The following STXBP5L variants were observed in gnomAD, a reference collection of about 807,000 sequenced individuals.
STXBP5L encodes the protein syntaxin binding protein 5L.
In STXBP5L, 65 loss-of-function variants were observed where a neutral mutation model predicts 144.5. The observed-to-expected ratio is 0.45, with a 90% CI of 0.37 to 0.55. The LOEUF is 0.55. Ranked by LOEUF, STXBP5L falls within the 20% of genes least tolerant of loss-of-function variation. STXBP5L has a pLI of 0.00. For missense variants in STXBP5L, 1,298 were observed against 1,405.5 expected (o/e 0.92, Z 1.22); for synonymous variants, 505 against 469.6 (o/e 1.08, Z -0.97).
intron 5 of STXBP5L, among the ~76,000 whole-genome samples, chr3:121,053,596 A>T (rs1948204770): frequency 6.6e-6 from 1 of 152,240 alleles, no homozygotes; most frequent in African/African-American, 2.4e-5. Flanking sequence ...TTCAAGATGG[A>T]TTAAAGACTT....
At chr3:121,143,901 G>C (rs1041838855) in intron 7 of STXBP5L, among the ~76,000 whole-genome samples, 2 of 151,692 alleles carry the variant, frequency 1.3e-5, no homozygotes, top group African/African-American at 4.8e-5. Context: ...TAGAAGAAAA[G>C]CTTCATGACG....
At chr3:121,315,559 A>G (rs532767896) in intron 19 of STXBP5L, among the ~76,000 whole-genome samples, 3 of 151,996 alleles carry the variant, frequency 2.0e-5, no homozygotes, top group Non-Finnish European at 4.4e-5. Context: ...GGTGCAGCAT[A>G]CCAGCATGGC....
Position 121,211,476 on chromosome 3 carries a change from T to C in STXBP5L, c.956+5475T>C, listed in dbSNP as rs530283829. ...CCTCCAACACTATGTTGAATAGGAG[T>C]GGTGAGAGAGGGCATCCCTGTCTTG... is the stretch of plus-strand genomic sequence containing the variant. On this transcript the variant is annotated intron_variant, in intron 10 of 26. Coordinates refer to ENST00000471454, the MANE Select transcript of STXBP5L (RefSeq NM_001308330.2). Among the ~76,000 whole-genome samples, 5 of 151,954 alleles carry C rather than the reference T, an allele frequency of 3.3e-5. No individual in the cohort carries two copies. The East Asian group carries it at 9.7e-4, about 29-fold the overall frequency.
rs200925621 is a variant in STXBP5L at position 121,205,928 on chromosome 3, A to G, written c.883A>G (p.Ser295Gly). The change falls in exon 10 of 27, where the codon AGT becomes GGT. Residue 295 changes from serine to glycine, a missense_variant. Coordinates refer to ENST00000471454, the MANE Select transcript of STXBP5L (RefSeq NM_001308330.2). ...PFQTTIPHGK[S>G]QREGRKSESC... ...TAAATATTTTTTTTCTTTAGGAAAA[A>G]GTCAAAGAGAAGGAAGAAAATCTGA... 6 of 1,488,230 alleles carry G rather than the reference A, an allele frequency of 4.0e-6. No individual in the cohort carries two copies. The highest frequency in any genetic ancestry group is 5.0e-5 in the East Asian group (2 of 39,978). 92.2% of individuals were successfully genotyped at this position (1,488,230 alleles called of 1,614,324 possible).
intron 20 of STXBP5L, among the ~76,000 whole-genome samples, chr3:121,369,395 A>T: frequency 1.4e-5 from 2 of 144,252 alleles, no homozygotes; most frequent in Non-Finnish European, 3.1e-5. Context: ...TTTTTCAGGT[A>T]TTGTTTTCCT....
chr3:121,042,623 A>G (rs1484709088), intron 4 of STXBP5L, among the ~76,000 whole-genome samples: 2 of 152,144 alleles, frequency 1.3e-5, no homozygotes, highest in Non-Finnish European at 2.9e-5. Flanking sequence ...GCATATATCT[A>G]TATCTGTTTA....
In STXBP5L at chr3:121,162,071, G is replaced by A. The variant is rs925807318; in HGVS notation, c.877+4444G>A. On this transcript the variant is annotated intron_variant, in intron 9 of 26. Transcript: ENST00000471454. ...ACAAAACAAACAAAATATAATGGAT[G>A]AATAGAACCATTTTAGATCACAGCA... Among the ~76,000 whole-genome samples the A allele has an allele frequency of 5.9e-5, 9 of 152,160 alleles. No homozygotes were observed. In the East Asian group the frequency reaches 1.3e-3, roughly 23 times the overall value.
chr3:121,324,468 A>G, intron 20 of STXBP5L: 1 of 671,486 alleles, frequency 1.5e-6, no homozygotes, highest in African/African-American at 1.8e-5. Flanking sequence ...CTCCATGCCA[A>G]TAGTTTTATA....
chr3:121,060,434 CTTG>C (rs994567617), intron 5 of STXBP5L, among the ~76,000 whole-genome samples: 1 of 151,814 alleles, frequency 6.6e-6, no homozygotes, highest in African/African-American at 2.4e-5. Context: ...TGAAATTTTC[CTTG>C]TTTGTTGTGT....
At chr3:121,192,075 GC>G (rs1166616785) in intron 9 of STXBP5L, among the ~76,000 whole-genome samples, 1 of 152,036 alleles carries the variant, frequency 6.6e-6, no homozygotes, top group Non-Finnish European at 1.5e-5. Context: ...TGCACATGTA[GC>G]CTAGAACCGA....
At chr3:121,118,313 A>T (rs1185492964) in intron 6 of STXBP5L, among the ~76,000 whole-genome samples, 1 of 151,788 alleles carries the variant, frequency 6.6e-6, no homozygotes, top group African/African-American at 2.4e-5. Flanking sequence ...TGTTACATCT[A>T]TGCTGAGATC....
At chr3:120,996,138 G>T (rs898598113) in intron 3 of STXBP5L, among the ~76,000 whole-genome samples, 1 of 151,692 alleles carries the variant, frequency 6.6e-6, no homozygotes, top group African/African-American at 2.4e-5. Context: ...ATTTTTATTT[G>T]TAATACAGTA....
At chr3:121,009,811 G>A (rs1302704696) in intron 3 of STXBP5L, among the ~76,000 whole-genome samples, 1 of 151,730 alleles carries the variant, frequency 6.6e-6, no homozygotes, top group African/African-American at 2.4e-5. Context: ...CATCTATTTA[G>A]TGTCTACAAG....
At chr3:121,372,037 G>A (rs987762104) in intron 20 of STXBP5L, among the ~76,000 whole-genome samples, 5 of 152,322 alleles carry the variant, frequency 3.3e-5, no homozygotes, top group Middle Eastern at 3.4e-3. Flanking sequence ...AGGTGGCTAC[G>A]GGTGAGTGCC....
intron 22 of STXBP5L, among the ~76,000 whole-genome samples, chr3:121,406,410 G>T (rs2046994262): frequency 6.6e-6 from 1 of 151,972 alleles, no homozygotes; most frequent in Non-Finnish European, 1.5e-5. Context: ...TACTTTCTCT[G>T]CATGATGTAA....
At chr3:121,362,948 G>A (rs1044318590) in intron 20 of STXBP5L, among the ~76,000 whole-genome samples, 1 of 152,076 alleles carries the variant, frequency 6.6e-6, no homozygotes, top group Non-Finnish European at 1.5e-5. Context: ...CAGTTAGGAG[G>A]TGATCAATGC....
chr3:121,048,649 C>T (rs1947695915), intron 5 of STXBP5L, among the ~76,000 whole-genome samples: 1 of 149,576 alleles, frequency 6.7e-6, no homozygotes, highest in African/African-American at 2.5e-5. Flanking sequence ...TTATGAAATT[C>T]TTGTAGTGTG....
chr3:121,076,200 C>A (rs1363827317), intron 5 of STXBP5L, among the ~76,000 whole-genome samples: 2 of 152,298 alleles, frequency 1.3e-5, no homozygotes, highest in East Asian at 3.9e-4. Flanking sequence ...GGCAGCCGAC[C>A]TCATCCCCTT....
chr3:121,136,583 G>A (rs2045266985), intron 7 of STXBP5L, among the ~76,000 whole-genome samples: 1 of 152,198 alleles, frequency 6.6e-6, no homozygotes, highest in Admixed American at 6.5e-5. Flanking sequence ...AATAACAGAT[G>A]CCAGCAAGGT....
Sources: gnomAD v4.1 joint callset for allele counts (sites outside exome capture counted in the v4.1 genomes callset) on GRCh38, gnomAD v4.1.1 for gene constraint, MANE v1.5 for transcripts, NCBI Gene and HGNC (gene_info 2026-07-23, HGNC 2026-07-21) for gene names.